The following DCSTAMP variants were observed in gnomAD, a reference collection of about 807,000 sequenced individuals.
DCSTAMP encodes dendrocyte expressed seven transmembrane protein.
In DCSTAMP, 25 loss-of-function variants were observed where a neutral mutation model predicts 33.8. That is an observed-to-expected ratio of 0.74 (90% confidence interval 0.54 to 1.03). The LOEUF (loss-of-function observed/expected upper bound fraction) is 1.03, where lower values mean the gene tolerates loss of function less well. DCSTAMP is among the 50% of genes least tolerant of loss of function. DCSTAMP has a pLI of 0.00. For missense variants in DCSTAMP, 531 were observed against 556.8 expected (o/e 0.95, Z 0.47); for synonymous variants, 245 against 216.7 (o/e 1.13, Z -1.15).
rs558969955 is a variant in DCSTAMP, at chr8:104,348,607, G to A, written c.55G>A (p.Val19Met). The A allele has an allele frequency of 3.7e-5, 59 of 1,614,156 alleles. No homozygotes were observed. Among genetic ancestry groups the A allele is most frequent in the African/African-American group, 1.3e-4 (10 of 75,026 alleles). Residue 19 changes from valine (V) to methionine (M), a missense_variant, in exon 2 of 4, where the codon GTG becomes ATG. Transcript: ENST00000297581. ...DIFLSLWEIYVSPRSPGWMDF... is the reference protein window; with the variant it reads ...DIFLSLWEIYMSPRSPGWMDF... Reference sequence around the variant, plus strand: ...CTTCCTAAGTCTTTGGGAGATTTACGTGTCTCCAAGAAGCCCCGGATGGAT... The same window carrying A: ...CTTCCTAAGTCTTTGGGAGATTTACATGTCTCCAAGAAGCCCCGGATGGAT...
chr8:104,344,903 C>T (rs1810258440), intron 1 of DCSTAMP, among the ~76,000 whole-genome samples: 2 of 152,122 alleles, frequency 1.3e-5, no homozygotes, highest in South Asian at 2.1e-4. Context: ...CGTCACCGTG[C>T]CTGGAGGGTT....
At chr8:104,350,864 T>C (rs1588375624) in intron 2 of DCSTAMP, among the ~76,000 whole-genome samples, 1 of 152,184 alleles carries the variant, frequency 6.6e-6, no homozygotes, top group African/African-American at 2.4e-5. Flanking sequence ...AATCACCAGA[T>C]TCTGTTTTAA....
Position 104,356,145 on chromosome 8 carries a change from C to T in DCSTAMP, c.1360C>T (p.Leu454=). 1 of 1,611,716 alleles carries T rather than the reference C, an allele frequency of 6.2e-7. No homozygotes were observed. Among genetic ancestry groups the T allele is most frequent in the Non-Finnish European group, 8.5e-7 (1 of 1,178,964 alleles). ...LTKIHFWLPV[L]KMIRKKQMDM... ...TCAGATTCATTTCTGGCTTCCAGTC[C>T]TGAAAATGATTAGGAAGAAGCAAAT... The change falls in exon 4 of 4, where the codon CTG becomes TTG. Residue 454 remains leucine (L), a synonymous_variant. Transcript: ENST00000297581.
intron 1 of DCSTAMP, among the ~76,000 whole-genome samples, chr8:104,341,419 C>T (rs990519497): frequency 6.6e-6 from 1 of 152,178 alleles, no homozygotes; most frequent in Non-Finnish European, 1.5e-5. Flanking sequence ...AAAAGGTGGC[C>T]AAACAGAGCT....
chr8:104,346,245 A>C (rs1002001132), intron 1 of DCSTAMP, among the ~76,000 whole-genome samples: 1 of 152,262 alleles, frequency 6.6e-6, no homozygotes, highest in Non-Finnish European at 1.5e-5. Context: ...TATCAATCAA[A>C]TAATGGTTTG....
chr8:104,342,697 C>G (rs2140466421), intron 1 of DCSTAMP, among the ~76,000 whole-genome samples: 1 of 152,198 alleles, frequency 6.6e-6, no homozygotes, highest in East Asian at 1.9e-4. Flanking sequence ...AGCCCCCATT[C>G]CTGACCCCAG....
In DCSTAMP at chr8:104,349,142, T is replaced by C; in HGVS notation, c.590T>C (p.Leu197Ser). ...NDSKGEVLSV[L>S]YQMATTTEVL... ...AGCAAAGGGGAAGTCCTGAGCGTCT[T>C]GTACCAGATGGCAACAACCACAGAG... The change falls in exon 2 of 4, where the codon TTG (leucine) becomes TCG (serine). Residue 197 changes from leucine to serine, a missense_variant. By Grantham distance (145) the Leu-to-Ser change is moderately radical. Coordinates refer to ENST00000297581, the MANE Select transcript of DCSTAMP (RefSeq NM_030788.4). The C allele has an allele frequency of 6.2e-7, 1 of 1,614,214 alleles. No homozygotes were observed. The highest frequency in any genetic ancestry group is 8.5e-7 in the Non-Finnish European group (1 of 1,180,032).
Position 104,354,997 on chromosome 8 carries a change from C to T in DCSTAMP, c.1150C>T (p.Leu384Phe), listed in dbSNP as rs767556903. Reference sequence around the variant, plus strand: ...GACCTGGGTTCCTCTCAGTGTTATTCTTTTGATATTAGTGATGCTGGGACT... The same window carrying T: ...GACCTGGGTTCCTCTCAGTGTTATTTTTTTGATATTAGTGATGCTGGGACT... ...SETWVPLSVI[L>F]LILVMLGLLS... The change falls in exon 3 of 4, where the codon CTT becomes TTT. Residue 384 changes from leucine (L) to phenylalanine (F), a missense_variant. Transcript: ENST00000297581. 4.3e-6 allele frequency: 7 copies of T among 1,613,954 alleles called. No homozygotes were observed. Among genetic ancestry groups the T allele is most frequent in the Non-Finnish European group, 5.9e-6 (7 of 1,179,978 alleles).
rs547873715 is a variant in DCSTAMP at position 104,347,166 on chromosome 8, G to A, written c.-12-1375G>A. ...GACCTAAATCTGTGTGACTGATGGCGTGTTAGCAGCTCCAGAGTGCCTTCA... is the reference window on the plus strand; with the variant it reads ...GACCTAAATCTGTGTGACTGATGGCATGTTAGCAGCTCCAGAGTGCCTTCA... On this transcript the variant is annotated intron_variant, in intron 1 of 3. Coordinates refer to ENST00000297581, the MANE Select transcript of DCSTAMP (RefSeq NM_030788.4). 5.3e-5 allele frequency among the ~76,000 whole-genome samples: 8 copies of A among 152,310 alleles called. No individual in the cohort carries two copies. The East Asian group carries it at 5.8e-4, about 11-fold the overall frequency.
At chr8:104,347,732 G>C (rs1211362626) in intron 1 of DCSTAMP, among the ~76,000 whole-genome samples, 1 of 152,192 alleles carries the variant, frequency 6.6e-6, no homozygotes, top group Non-Finnish European at 1.5e-5. Context: ...GGTGCCTTTT[G>C]TCATCCAGCA....
At chr8:104,351,065 G>A (rs1189507460) in intron 2 of DCSTAMP, among the ~76,000 whole-genome samples, 1 of 152,120 alleles carries the variant, frequency 6.6e-6, no homozygotes, top group African/African-American at 2.4e-5. Context: ...GGTGCCTCCC[G>A]CATCTTGAGG....
intron 2 of DCSTAMP, among the ~76,000 whole-genome samples, chr8:104,349,993 C>T (rs143548824): frequency 7.7e-4 from 118 of 152,330 alleles, no homozygotes; most frequent in African/African-American, 2.8e-3. Context: ...CGTCTCTGCT[C>T]TGTCATCGCA....
intron 2 of DCSTAMP, among the ~76,000 whole-genome samples, chr8:104,351,314 G>A (rs913489153): frequency 3.3e-5 from 5 of 152,228 alleles, no homozygotes; most frequent in African/African-American, 1.2e-4. Flanking sequence ...GCACATGTAT[G>A]GGTGTGTATG....
chr8:104,344,089 TG>T (rs979707273), intron 1 of DCSTAMP, among the ~76,000 whole-genome samples: 9 of 152,192 alleles, frequency 5.9e-5, no homozygotes, highest in Non-Finnish European at 1.0e-4. Context: ...CACCAAGTGG[TG>T]GAAAACTGGG....
chr8:104,349,754 C>A (rs1810414349), intron 2 of DCSTAMP, among the ~76,000 whole-genome samples, 173 bp downstream of exon 2: 1 of 152,196 alleles, frequency 6.6e-6, no homozygotes, highest in Admixed American at 6.5e-5. Context: ...CAAATTGAAT[C>A]GAAGTCCCAA....
At position 104,355,197 on chromosome 8, in the gene DCSTAMP, A is replaced by C. The variant is rs762547544; in HGVS notation, c.1338+12A>C. The C allele has an allele frequency of 1.7e-5, 27 of 1,600,144 alleles. 1 individual carries two copies. In the South Asian group the frequency reaches 2.9e-4, roughly 17 times the overall value. ...TCTATCTTACAAAGGTAAGGCCAAGATGGTGGTGTAACCTCCAATTGAGGA... is the reference window on the plus strand; with the variant it reads ...TCTATCTTACAAAGGTAAGGCCAAGCTGGTGGTGTAACCTCCAATTGAGGA... On this transcript the variant is annotated intron_variant, in intron 3 of 3. Transcript: ENST00000297581.
intron 2 of DCSTAMP, among the ~76,000 whole-genome samples, chr8:104,354,605 T>TA (rs958423405): frequency 1.2e-4 from 18 of 151,976 alleles, no homozygotes; most frequent in Middle Eastern, 6.8e-3. Context: ...AGGGATAGAG[T>TA]AAAAAAAATG....
chr8:104,355,961 T>C (rs1429074295), intron 3 of DCSTAMP, among the ~76,000 whole-genome samples, 163 bp from the exon 4 acceptor site: 1 of 152,218 alleles, frequency 6.6e-6, no homozygotes, highest in African/African-American at 2.4e-5. Context: ...AAATAGCCCA[T>C]AGACAATGGA....
Position 104,356,332 on chromosome 8 carries a change from C to T in DCSTAMP, c.*134C>T, listed in dbSNP as rs1164936469. On this transcript the variant is annotated 3_prime_UTR_variant, in exon 4 of 4. Transcript: ENST00000297581. ...CAGGAGTCTGAGTTTACAGAGCCAA[C>T]TTGCAGCACCTGGTTATGCCTCCTT... The T allele has an allele frequency of 4.2e-6, 3 of 712,002 alleles. No homozygotes were observed. The highest frequency in any genetic ancestry group is 6.3e-6 in the Non-Finnish European group (3 of 476,372). The allele number at this position is 712,002 out of a possible 1,614,324, so 44.1% of individuals were successfully genotyped here.
Sources: gnomAD v4.1 joint callset for allele counts (sites outside exome capture counted in the v4.1 genomes callset) on GRCh38, gnomAD v4.1.1 for gene constraint, MANE v1.5 for transcripts, NCBI Gene and HGNC (gene_info 2026-07-23, HGNC 2026-07-21) for gene names.